SPOCK3: variants seen among roughly 807,000 people sequenced by gnomAD.
The protein encoded by SPOCK3 is testican-3.
In SPOCK3, 30 loss-of-function variants were observed where a neutral mutation model predicts 56.6. The observed-to-expected ratio is 0.53, with a 90% CI of 0.40 to 0.72. The LOEUF is 0.72. Among genes scored for constraint, SPOCK3 ranks in the 30% least tolerant of loss-of-function variants. The probability of loss-of-function intolerance (pLI) is 0.00; values close to 1 mark genes in which losing one functional copy is unlikely to be tolerated. For missense variants in SPOCK3, 527 were observed against 530.0 expected (o/e 0.99, Z 0.06); for synonymous variants, 196 against 183.3 (o/e 1.07, Z -0.56).
intron 6 of SPOCK3, among the ~76,000 whole-genome samples, chr4:166,861,259 A>G (rs1731219437): frequency 6.6e-6 from 1 of 152,120 alleles, no homozygotes; most frequent in Admixed American, 6.6e-5. Context: ...TCCTGAAGGC[A>G]ACTGTGCAAA....
chr4:166,948,351 T>G lies in SPOCK3; in HGVS notation c.351-35608A>C, dbSNP rs990446239. ...GCAGACATTACTTTTATTTACTGAT[T>G]GCATTTCTTTTGAATATATAACCCA... is the stretch of plus-strand genomic sequence containing the variant. On this transcript the variant is annotated intron_variant, in intron 4 of 10. Coordinates refer to ENST00000357545, the MANE Select transcript of SPOCK3 (RefSeq NM_001040159.2). Among the ~76,000 whole-genome samples, 10 of 152,192 alleles carry G rather than the reference T, an allele frequency of 6.6e-5. No homozygotes were observed. The East Asian group carries it at 1.7e-3, about 26-fold the overall frequency.
At chr4:166,956,478 A>C (rs1021626109) in intron 4 of SPOCK3, among the ~76,000 whole-genome samples, 1 of 152,188 alleles carries the variant, frequency 6.6e-6, no homozygotes, top group African/African-American at 2.4e-5. Context: ...TAAGTAGCAC[A>C]TACAGTGCAA....
intron 6 of SPOCK3, among the ~76,000 whole-genome samples, chr4:166,802,217 T>C (rs891654200): frequency 6.6e-6 from 1 of 151,994 alleles, no homozygotes; most frequent in Non-Finnish European, 1.5e-5. Flanking sequence ...TTTGAGTTTC[T>C]GTCTGTAAAG....
At chr4:167,000,845 C>T (rs752976638) in intron 3 of SPOCK3, among the ~76,000 whole-genome samples, 7 of 151,976 alleles carry the variant, frequency 4.6e-5, no homozygotes, top group Admixed American at 6.6e-5. Flanking sequence ...CTTGCTTTCC[C>T]GAGATAAATG....
intron 2 of SPOCK3, among the ~76,000 whole-genome samples, chr4:167,074,459 C>G (rs62352440): frequency 6.6e-6 from 1 of 151,844 alleles, no homozygotes; most frequent in African/African-American, 2.4e-5. Flanking sequence ...TGAACTGAGG[C>G]CTTCAGTTTC....
chr4:166,921,903 TG>T (rs1738532373), intron 4 of SPOCK3, among the ~76,000 whole-genome samples: 1 of 152,160 alleles, frequency 6.6e-6, no homozygotes, highest in Non-Finnish European at 1.5e-5. Flanking sequence ...TTCTAGATAC[TG>T]TTTAGTTATT....
intron 2 of SPOCK3, among the ~76,000 whole-genome samples, chr4:167,210,919 G>A (rs1193773105): frequency 1.3e-5 from 2 of 152,008 alleles, no homozygotes; most frequent in African/African-American, 4.8e-5. Flanking sequence ...CTGATTTACT[G>A]GAAAATGATA....
At chr4:167,114,445 G>T (rs1052069648) in intron 2 of SPOCK3, among the ~76,000 whole-genome samples, 9 of 152,222 alleles carry the variant, frequency 5.9e-5, no homozygotes, top group African/African-American at 1.7e-4. Context: ...TCCTAAGACA[G>T]CCAAGATTAA....
chr4:166,899,519 T>TTTTC (rs1044437696), intron 5 of SPOCK3, among the ~76,000 whole-genome samples: 1 of 147,778 alleles, frequency 6.8e-6, no homozygotes, highest in African/African-American at 2.5e-5. Context: ...TTTTTTTTTT[T>TTTTC]TTTTTGAGAC....
intron 2 of SPOCK3, among the ~76,000 whole-genome samples, chr4:167,185,577 G>A (rs1467050818): frequency 1.3e-5 from 2 of 152,050 alleles, no homozygotes; most frequent in African/African-American, 2.4e-5. Flanking sequence ...CTGTATAAAT[G>A]CCATCTGCTG....
intron 6 of SPOCK3, among the ~76,000 whole-genome samples, chr4:166,817,363 T>G (rs1351844100): frequency 6.6e-6 from 1 of 152,072 alleles, no homozygotes; most frequent in Non-Finnish European, 1.5e-5. Context: ...CACTTTCATC[T>G]TCTTCTAAGG....
chr4:167,153,508 A>C (rs1416046406), intron 2 of SPOCK3, among the ~76,000 whole-genome samples: 1 of 152,200 alleles, frequency 6.6e-6, no homozygotes, highest in African/African-American at 2.4e-5. Flanking sequence ...GCTCCTCAGA[A>C]ACTCGTGCCA....
chr4:166,959,110 G>A (rs1743842095), intron 4 of SPOCK3, among the ~76,000 whole-genome samples: 1 of 152,144 alleles, frequency 6.6e-6, no homozygotes, highest in African/African-American at 2.4e-5. Flanking sequence ...TTTAGAATGT[G>A]TGAAATGTTG....
chr4:167,222,637 TATTA>T (rs1464004519), intron 2 of SPOCK3, among the ~76,000 whole-genome samples: 1 of 140,250 alleles, frequency 7.1e-6, no homozygotes, highest in Non-Finnish European at 1.5e-5. Flanking sequence ...CATAGATATA[TATTA>T]TATATTCATA....
At chr4:166,950,003 G>A (rs913282420) in intron 4 of SPOCK3, among the ~76,000 whole-genome samples, 12 of 150,676 alleles carry the variant, frequency 8.0e-5, no homozygotes, top group Non-Finnish European at 1.3e-4. Context: ...AAAGACCATC[G>A]AGACTAGGAA....
At chr4:166,771,640 G>T (rs920796649) in intron 7 of SPOCK3, among the ~76,000 whole-genome samples, 2 of 151,908 alleles carry the variant, frequency 1.3e-5, no homozygotes, top group African/African-American at 4.8e-5. Flanking sequence ...GTTCTAATGT[G>T]CCTAAATGTC....
chr4:167,097,465 A>G (rs1759261105), intron 2 of SPOCK3, among the ~76,000 whole-genome samples: 1 of 151,696 alleles, frequency 6.6e-6, no homozygotes, highest in Non-Finnish European at 1.5e-5. Context: ...GTAATCTACT[A>G]TTATTATTCT....
chr4:166,829,276 G>A lies in SPOCK3; in HGVS notation c.590-36987C>T, dbSNP rs549988736. On this transcript the variant is annotated intron_variant, in intron 6 of 10. Coordinates refer to ENST00000357545, the MANE Select transcript of SPOCK3 (RefSeq NM_001040159.2). ...TGGAGATTACACTATGTAAAAGTTA[G>A]CAGATAAAGACTACCTTTGTAAAGA... Among the ~76,000 whole-genome samples the A allele has an allele frequency of 3.3e-5, 5 of 152,122 alleles. 1 individual carries two copies. Among genetic ancestry groups the A allele is most frequent in the African/African-American group, 1.2e-4 (5 of 41,560 alleles).
chr4:166,977,799 G>T (rs1746121850), intron 4 of SPOCK3, among the ~76,000 whole-genome samples: 1 of 152,092 alleles, frequency 6.6e-6, no homozygotes, highest in Admixed American at 6.5e-5. Context: ...CATTAGTTGG[G>T]AAGGCTGCCA....
Sources: gnomAD v4.1 joint callset for allele counts (sites outside exome capture counted in the v4.1 genomes callset) on GRCh38, gnomAD v4.1.1 for gene constraint, MANE v1.5 for transcripts, NCBI Gene and HGNC (gene_info 2026-07-23, HGNC 2026-07-21) for gene names.